Variants in OTULINL observed in about 807,000 individuals in gnomAD.
The protein encoded by OTULINL is OTU deubiquitinase with linear linkage specificity like.
OTULINL carries 42 observed loss-of-function variants against 43.9 expected under a neutral mutation model. The ratio of observed to expected loss-of-function variants is 0.96; its 90% CI spans 0.75 to 1.24. The LOEUF is 1.24. Ranked by LOEUF, OTULINL falls within the 50% of genes most tolerant of loss-of-function variation. The pLI is 0.00. For synonymous variants in OTULINL, 172 were observed against 153.6 expected, an observed-to-expected ratio of 1.12 and a Z score of -0.88; for missense variants, 411 against 426.4, an observed-to-expected ratio of 0.96 and a Z score of 0.32.
intron 1 of OTULINL, among the ~76,000 whole-genome samples, chr5:14,600,214 C>A (rs770677958): frequency 3.3e-5 from 5 of 152,136 alleles, no homozygotes; most frequent in Non-Finnish European, 5.9e-5. Context: ...GGCTTTCCCC[C>A]CTTTTGCTTG....
In OTULINL at chr5:14,608,835, C is replaced by T. The variant is rs141442803; in HGVS notation, c.715C>T (p.Leu239Phe). Residue 239 changes from leucine (L) to phenylalanine (F), a missense_variant, in exon 7 of 8, where the codon CTT (leucine) becomes TTT (phenylalanine). Transcript: ENST00000274217. ...TTCAGATGCCATTCTGGAATATAAACTTTATGAAGCTTTAAAGTTCATCAT... is the reference window on the plus strand; with the variant it reads ...TTCAGATGCCATTCTGGAATATAAATTTTATGAAGCTTTAAAGTTCATCAT... The part of the protein sequence containing the change: ...LFSDAILEYK[L>F]YEALKFIMLY... The T allele has an allele frequency of 1.2e-4, 193 of 1,613,942 alleles. 1 individual carries two copies. In the African/African-American group the frequency reaches 2.4e-3, roughly 20 times the overall value.
At chr5:14,582,054 C>T (rs1579911231) in intron 1 of OTULINL, 96 bp downstream of exon 1, 3 of 887,512 alleles carry the variant, frequency 3.4e-6, no homozygotes, top group Non-Finnish European at 4.4e-6. Flanking sequence ...CCCTCCTCGG[C>T]GGCCACCTTC....
At chr5:14,609,576 T>A (rs996712068) in intron 7 of OTULINL, among the ~76,000 whole-genome samples, 3 of 152,084 alleles carry the variant, frequency 2.0e-5, no homozygotes, top group Admixed American at 6.5e-5. Flanking sequence ...TCATGAGTGT[T>A]CTTTTATTTT....
In OTULINL at chr5:14,615,376, G is replaced by C. The variant is rs1759656264; in HGVS notation, c.*5062G>C. Among the ~76,000 whole-genome samples, 1 of 125,708 alleles carries C rather than the reference G, an allele frequency of 8.0e-6. No individual in the cohort carries two copies. The highest frequency in any genetic ancestry group is 1.6e-5 in the Non-Finnish European group (1 of 60,910). The allele number at this position is 125,708 out of a possible 152,430, so 82.5% of individuals were successfully genotyped here. A position where few individuals can be genotyped will look rare whatever the true frequency, so the allele number is the denominator to read the frequency against. On this transcript the variant is annotated 3_prime_UTR_variant, in exon 8 of 8. Transcript: ENST00000274217. Reference sequence around the variant, plus strand: ...CAGCATGTACCTGGACTTCCTTTGGGTGCCGGCTTTTCTGCTGGACTAAGA... The same window carrying C: ...CAGCATGTACCTGGACTTCCTTTGGCTGCCGGCTTTTCTGCTGGACTAAGA...
Position 14,601,066 on chromosome 5 carries a change from G to T in OTULINL, c.166G>T (p.Val56Leu), listed in dbSNP as rs116219787. The change falls in exon 2 of 8, where the codon GTG becomes TTG. Residue 56 changes from valine to leucine, a missense_variant. Transcript: ENST00000274217. ...TGTGATGTTGGCAGTTTCATTTCTG[G>T]TGGCTGCCATCTGCTACTTCCGGAG... ...GFVMLAVSFL[V>L]AAICYFRRLH... 2,033 of 1,613,526 alleles carry T rather than the reference G, an allele frequency of 1.3e-3. 21 individuals carry two copies. The African/African-American group carries it at 0.023, about 19-fold the overall frequency.
At chr5:14,587,731 T>G (rs1759131723) in intron 1 of OTULINL, among the ~76,000 whole-genome samples, 1 of 152,180 alleles carries the variant, frequency 6.6e-6, no homozygotes, top group South Asian at 2.1e-4. Context: ...GTATTAAATA[T>G]TTGTTAGACT....
At chr5:14,588,267 G>C (rs1579915267) in intron 1 of OTULINL, among the ~76,000 whole-genome samples, 1 of 152,138 alleles carries the variant, frequency 6.6e-6, no homozygotes, top group Admixed American at 6.6e-5. Context: ...GGCCTTTGGA[G>C]AATGAAGGGA....
rs1759069354 is a variant in OTULINL, at chr5:14,584,360, G to C, written c.64+2402G>C. ...GGAGGTTCTTAGGGGCCGGTGTTGG[G>C]GGAATAGGAATGCCCAGTGTGGAAC... is the stretch of plus-strand genomic sequence containing the variant. On this transcript the variant is annotated intron_variant, in intron 1 of 7. Coordinates refer to ENST00000274217, the MANE Select transcript of OTULINL (RefSeq NM_019018.3). Among the ~76,000 whole-genome samples, 2 of 152,184 alleles carry C rather than the reference G, an allele frequency of 1.3e-5. 1 individual carries two copies. The highest frequency in any genetic ancestry group is 4.1e-4 in the South Asian group (2 of 4,820).
rs1286531829 is a variant in OTULINL, at chr5:14,611,082, G to A, written c.*768G>A. ...ACTATCACAAAACTATTAAACTGTG[G>A]TACATTTAATGTGTATTTAATGTGT... On this transcript the variant is annotated 3_prime_UTR_variant, in exon 8 of 8. Transcript: ENST00000274217. 2 of 152,088 alleles carry A rather than the reference G, an allele frequency of 1.3e-5. No homozygotes were observed. Among genetic ancestry groups the A allele is most frequent in the East Asian group, 3.9e-4 (2 of 5,192 alleles). 9.4% of individuals were successfully genotyped at this position (152,088 alleles called of 1,614,324 possible). A position where few individuals can be genotyped will look rare whatever the true frequency, so the allele number is the denominator to read the frequency against.
At chr5:14,600,894 T>A in intron 1 of OTULINL, 71 bp from the exon 2 acceptor site, 1 of 1,293,894 alleles carries the variant, frequency 7.7e-7, no homozygotes. Context: ...TCTCTGCATT[T>A]TTTTTCTCTT....
chr5:14,608,738 C>A lies in OTULINL; in HGVS notation c.628-10C>A. 1 of 1,583,640 alleles carries A rather than the reference C, an allele frequency of 6.3e-7. No individual in the cohort carries two copies. The highest frequency in any genetic ancestry group is 8.6e-7 in the Non-Finnish European group (1 of 1,160,524). On this transcript the variant is annotated splice_polypyrimidine_tract_variant and intron_variant, in intron 6 of 7. Transcript: ENST00000274217. ...ATCCTTCTGAATTTCACTTTTACAT[C>A]TGTTTTTAGTGGACTGAATTTAATG... is the stretch of plus-strand genomic sequence containing the variant.
In OTULINL at chr5:14,608,828, A is replaced by G. The variant is rs1207879843; in HGVS notation, c.708A>G (p.Glu236=). The G allele has an allele frequency of 1.2e-6, 2 of 1,613,802 alleles. No individual in the cohort carries two copies. The highest frequency in any genetic ancestry group is 1.1e-5 in the South Asian group (1 of 91,084). Residue 236 remains glutamate (E), a synonymous_variant, in exon 7 of 8, where the codon GAA becomes GAG. Transcript: ENST00000274217. ...CNTLFSDAIL[E]YKLYEALKFI... ...CCCTTTTTTCAGATGCCATTCTGGA[A>G]TATAAACTTTATGAAGCTTTAAAGT...
At chr5:14,609,621 ATTTTTTTTTTTT>A (rs201855537) in intron 7 of OTULINL, among the ~76,000 whole-genome samples, 11 of 102,208 alleles carry the variant, frequency 1.1e-4, no homozygotes, top group Admixed American at 3.1e-4. Context: ...TTTTCCTGTG[ATTTTTTTTTTTT>A]TTTTTTTTTT....
intron 1 of OTULINL, among the ~76,000 whole-genome samples, chr5:14,597,203 G>C (rs755353475): frequency 1.3e-5 from 2 of 152,140 alleles, no homozygotes; most frequent in Non-Finnish European, 2.9e-5. Flanking sequence ...TGTGTGTCAG[G>C]TATGGTGCCA....
At chr5:14,588,123 C>G (rs1759139846) in intron 1 of OTULINL, among the ~76,000 whole-genome samples, 1 of 152,148 alleles carries the variant, frequency 6.6e-6, no homozygotes, top group Non-Finnish European at 1.5e-5. Flanking sequence ...ACACTTAGGG[C>G]ATCTTTTCTG....
At chr5:14,600,878 A>T in intron 1 of OTULINL, 87 bp from the exon 2 acceptor site, 125 of 994,334 alleles carry the variant, frequency 1.3e-4, no homozygotes, top group Non-Finnish European at 1.6e-4. Context: ...AAAATTATGC[A>T]ATCTCTCTCT....
Position 14,601,421 on chromosome 5 carries a change from C to T in OTULINL, c.327C>T (p.Pro109=), listed in dbSNP as rs751414469. 2.8e-5 allele frequency: 45 copies of T among 1,613,854 alleles called. No individual in the cohort carries two copies. The highest frequency in any genetic ancestry group is 1.7e-5 in the Admixed American group (1 of 59,988). ...CAAGAGAATGGAAAGGAGAGACACC[C>T]CGTAACAAGCTGATGAGGAAGGTGT... is the stretch of plus-strand genomic sequence containing the variant. The part of the protein sequence containing the change: ...YCAREWKGET[P]RNKLMRKAYE... Residue 109 remains proline (P), a synonymous_variant, in exon 4 of 8, where the codon CCC becomes CCT. Transcript: ENST00000274217.
intron 5 of OTULINL, among the ~76,000 whole-genome samples, chr5:14,605,179 C>T (rs1759452859): frequency 6.6e-6 from 1 of 152,220 alleles, no homozygotes; most frequent in Non-Finnish European, 1.5e-5. Context: ...TTCTTGACTT[C>T]TGTGTACCCA....
At chr5:14,599,820 TGTTA>T (rs1485430257) in intron 1 of OTULINL, among the ~76,000 whole-genome samples, 11 of 152,338 alleles carry the variant, frequency 7.2e-5, no homozygotes, top group African/African-American at 2.4e-4. Flanking sequence ...TCTCTAGTCC[TGTTA>T]GTTTTCTCTT....
Sources: allele counts gnomAD v4.1 joint callset (sites outside exome capture counted in the v4.1 genomes callset), GRCh38; gene constraint gnomAD v4.1.1; transcripts MANE v1.5; gene names NCBI Gene and HGNC (gene_info 2026-07-23, HGNC 2026-07-21).